Variants in ADCY8 observed in about 807,000 individuals in gnomAD.
The protein encoded by ADCY8 is adenylate cyclase 8.
In ADCY8, 51 loss-of-function variants were observed where a neutral mutation model predicts 119.7. That is an observed-to-expected ratio of 0.43 (90% CI 0.34 to 0.54). The LOEUF is 0.54. Ranked by LOEUF, ADCY8 falls within the 20% of genes least tolerant of loss-of-function variation. The pLI is 0.03. For missense variants in ADCY8, 1,383 were observed against 1,598.8 expected, an observed-to-expected ratio of 0.87 and a Z score of 2.30; for synonymous variants, 665 against 651.0, an observed-to-expected ratio of 1.02 and a Z score of -0.33.
At chr8:131,029,161 C>T (rs766968453) in intron 1 of ADCY8, among the ~76,000 whole-genome samples, 25 of 152,106 alleles carry the variant, frequency 1.6e-4, no homozygotes, top group African/African-American at 5.1e-4. Context: ...TGCACATGCG[C>T]GAGATCTAGA....
rs781744294 is a variant in ADCY8, at chr8:130,943,355, G to C, written c.1349C>G (p.Ala450Gly). 3 of 1,611,510 alleles carry C rather than the reference G, an allele frequency of 1.9e-6. No homozygotes were observed. The highest frequency in any genetic ancestry group is 2.2e-5 in the South Asian group (2 of 90,930). Residue 450 changes from alanine (A) to glycine (G), a missense_variant, in exon 4 of 18, where the codon GCC becomes GGC. Physicochemically the swap from Ala to Gly is moderately conservative, Grantham distance 60 (BLOSUM62 0). This residue lies in a region of ADCY8 where 928 missense variants were observed against 1,163.5 expected (regional missense o/e 0.80). Transcript: ENST00000286355. ...AGGAAATTAAATTCAACTCACATGGGCCAGTCGATCAAATCTGGCAAAGAG... is the reference window on the plus strand; with the variant it reads ...AGGAAATTAAATTCAACTCACATGGCCCAGTCGATCAAATCTGGCAAAGAG... ...NELFARFDRL[A>G]HEHHCLRIKI... is the part of the protein sequence containing the mutation.
intron 2 of ADCY8, among the ~76,000 whole-genome samples, chr8:130,982,822 A>G (rs1290791836): frequency 1.3e-5 from 2 of 152,214 alleles, no homozygotes; most frequent in Non-Finnish European, 2.9e-5. Flanking sequence ...GTCATTAATG[A>G]GATATTTTGC....
chr8:130,863,188 C>T (rs1375785989), intron 9 of ADCY8, among the ~76,000 whole-genome samples: 1 of 150,472 alleles, frequency 6.6e-6, no homozygotes, highest in Non-Finnish European at 1.5e-5. Context: ...GCTCGTTCTT[C>T]TTAGAGAATT....
chr8:131,030,635 A>G (rs1288182179), intron 1 of ADCY8, among the ~76,000 whole-genome samples: 1 of 152,150 alleles, frequency 6.6e-6, no homozygotes, highest in African/African-American at 2.4e-5. Flanking sequence ...AAATCCATCC[A>G]AGCATCAGCT....
chr8:130,805,903 A>G (rs1035704136), intron 14 of ADCY8, among the ~76,000 whole-genome samples: 1 of 152,218 alleles, frequency 6.6e-6, no homozygotes, highest in Non-Finnish European at 1.5e-5. Flanking sequence ...TGAGGATACA[A>G]GACAGATTGA....
intron 4 of ADCY8, among the ~76,000 whole-genome samples, chr8:130,937,449 A>T (rs1820821137): frequency 6.6e-6 from 1 of 152,198 alleles, no homozygotes; most frequent in Non-Finnish European, 1.5e-5. Context: ...CTACATGGTT[A>T]TATCCAAGCT....
chr8:131,015,300 A>T (rs965946681), intron 1 of ADCY8, among the ~76,000 whole-genome samples: 7 of 152,242 alleles, frequency 4.6e-5, no homozygotes, highest in African/African-American at 1.4e-4. Flanking sequence ...GCTGATTAAA[A>T]GGAGAAACAA....
At chr8:130,819,150 A>C (rs1327363282) in intron 13 of ADCY8, among the ~76,000 whole-genome samples, 1 of 152,182 alleles carries the variant, frequency 6.6e-6, no homozygotes, top group Admixed American at 6.5e-5. Flanking sequence ...AAGTTAAGTA[A>C]ATTGTTGAAA....
intron 13 of ADCY8, among the ~76,000 whole-genome samples, chr8:130,819,868 G>A (rs1032277130): frequency 1.3e-5 from 2 of 152,214 alleles, no homozygotes; most frequent in Admixed American, 6.5e-5. Context: ...ACAAGTCAAA[G>A]CATATTGCAA....
intron 7 of ADCY8, among the ~76,000 whole-genome samples, chr8:130,903,402 C>T (rs1289669310): frequency 5.3e-5 from 8 of 151,536 alleles, no homozygotes. Flanking sequence ...AGGGGCATTC[C>T]CATGTACTTG....
chr8:130,898,659 C>T lies in ADCY8; in HGVS notation c.1911+5113G>A, dbSNP rs73346449. 6.0e-3 allele frequency among the ~76,000 whole-genome samples: 914 copies of T among 152,236 alleles called. 9 individuals are homozygous for T. Among genetic ancestry groups the T allele is most frequent in the African/African-American group, 0.021 (852 of 41,538 alleles). ...GGGATGAAGATGATTCCACAACATA[C>T]GGAAACAAATTCCAGGCTCTGAAAA... On this transcript the variant is annotated intron_variant, in intron 7 of 17. Coordinates refer to ENST00000286355, the MANE Select transcript of ADCY8 (RefSeq NM_001115.3).
rs1822058985 is a variant in ADCY8, at chr8:130,975,940, A to G, written c.1110+14453T>C. On this transcript the variant is annotated intron_variant, in intron 2 of 17. Transcript: ENST00000286355. ...ACTTTTATACTATAGTAACTTCAAA[A>G]TCCCTTAAAATGCATGCTATAATTT... Among the ~76,000 whole-genome samples the G allele has an allele frequency of 2.0e-5, 3 of 152,186 alleles. No homozygotes were observed. In the South Asian group the frequency reaches 6.2e-4, roughly 31 times the overall value.
At chr8:130,821,780 TA>T (rs1217780688) in intron 12 of ADCY8, among the ~76,000 whole-genome samples, 3 of 152,168 alleles carry the variant, frequency 2.0e-5, no homozygotes, top group Non-Finnish European at 4.4e-5. Context: ...AGCTTTATGC[TA>T]AAAAAACCTT....
chr8:130,981,220 G>C (rs866873875), intron 2 of ADCY8, among the ~76,000 whole-genome samples: 1 of 152,118 alleles, frequency 6.6e-6, no homozygotes, highest in Admixed American at 6.5e-5. Context: ...AGATAGTGCC[G>C]TTAAATTATT....
At chr8:130,906,110 A>G (rs1041227933) in intron 6 of ADCY8, among the ~76,000 whole-genome samples, 2 of 152,244 alleles carry the variant, frequency 1.3e-5, no homozygotes, top group African/African-American at 4.8e-5. Context: ...AATGTGTGAA[A>G]GATGTTTTCA....
chr8:130,903,375 T>C (rs533203554), intron 7 of ADCY8, among the ~76,000 whole-genome samples: 1 of 151,920 alleles, frequency 6.6e-6, no homozygotes, highest in South Asian at 2.1e-4. Flanking sequence ...GAACTGATGA[T>C]GGCCAGCTAC....
intron 1 of ADCY8, among the ~76,000 whole-genome samples, chr8:131,028,339 C>A (rs1823885986): frequency 6.6e-6 from 1 of 152,198 alleles, no homozygotes; most frequent in African/African-American, 2.4e-5. Context: ...CTGGCAAGAG[C>A]CAAGGGCAAT....
At chr8:130,798,910 C>T (rs1815675966) in intron 15 of ADCY8, among the ~76,000 whole-genome samples, 1 of 151,960 alleles carries the variant, frequency 6.6e-6, no homozygotes, top group Non-Finnish European at 1.5e-5. Flanking sequence ...ATGCACACAC[C>T]ACACACATAC....
chr8:131,024,690 G>A (rs879459881), intron 1 of ADCY8, among the ~76,000 whole-genome samples: 9 of 152,314 alleles, frequency 5.9e-5, no homozygotes, highest in Non-Finnish European at 1.0e-4. Flanking sequence ...TTACTAGTCC[G>A]TTCGAAACAA....
Sources: gnomAD v4.1 joint callset for allele counts (sites outside exome capture counted in the v4.1 genomes callset) on GRCh38, gnomAD v4.1.1 for gene constraint, gnomAD v4.1.1 regional missense constraint, MANE v1.5 for transcripts, NCBI Gene and HGNC (gene_info 2026-07-23, HGNC 2026-07-21) for gene names.